The following RAPGEF4 variants were observed in gnomAD, a reference collection of about 807,000 sequenced individuals.
RAPGEF4 encodes RAP guanine-nucleotide-exchange factor (GEF) 4.
In RAPGEF4, 66 loss-of-function variants were observed where a neutral mutation model predicts 147.9. The observed-to-expected ratio is 0.45, with a 90% CI of 0.37 to 0.55. The LOEUF is 0.55. Among genes scored for constraint, RAPGEF4 ranks in the 20% least tolerant of loss-of-function variants. The pLI, the probability that RAPGEF4 is intolerant of heterozygous loss-of-function variation, is 0.00. For missense variants in RAPGEF4, 1,071 were observed against 1,257.3 expected, an observed-to-expected ratio of 0.85 and a Z score of 2.24; for synonymous variants, 419 against 442.7, an observed-to-expected ratio of 0.95 and a Z score of 0.67.
At chr2:172,910,030 G>A (rs1255449724) in intron 4 of RAPGEF4, among the ~76,000 whole-genome samples, 2 of 152,190 alleles carry the variant, frequency 1.3e-5, no homozygotes, top group South Asian at 4.1e-4. Context: ...GGTGCCATGC[G>A]TGCTCTGTGA....
At chr2:172,746,960 A>C (rs1217375783) in intron 1 of RAPGEF4, among the ~76,000 whole-genome samples, 1 of 152,162 alleles carries the variant, frequency 6.6e-6, no homozygotes, top group Non-Finnish European at 1.5e-5. Context: ...ACCCCCCCTT[A>C]ATTAAATGGA....
chr2:172,869,889 A>C lies in RAPGEF4; in HGVS notation c.445-47913A>C, dbSNP rs1019543132. Among the ~76,000 whole-genome samples, 10 of 152,310 alleles carry C rather than the reference A, an allele frequency of 6.6e-5. No homozygotes were observed. The East Asian group carries it at 1.9e-3, about 29-fold the overall frequency. The stretch of plus-strand genomic sequence containing the variant: ...AAGTGTCTTTTTATATGGGCTGCAG[A>C]TACTATTATTGACATCCTTCATGGA... On this transcript the variant is annotated intron_variant, in intron 4 of 30. Transcript: ENST00000397081.
chr2:172,854,542 A>T (rs1201943016), intron 4 of RAPGEF4, among the ~76,000 whole-genome samples: 1 of 152,022 alleles, frequency 6.6e-6, no homozygotes, highest in Non-Finnish European at 1.5e-5. Context: ...TCTGTTTTTA[A>T]TTGGAGTGTT....
At position 172,873,040 on chromosome 2, in the gene RAPGEF4, T is replaced by A. The variant is rs564666432; in HGVS notation, c.445-44762T>A. Reference sequence around the variant, plus strand: ...TTGATTGTTATAACATGCCACCAGCTTAGGAGAGGGAATCAGACTCCTTAA... The same window carrying A: ...TTGATTGTTATAACATGCCACCAGCATAGGAGAGGGAATCAGACTCCTTAA... On this transcript the variant is annotated intron_variant, in intron 4 of 30. Transcript: ENST00000397081. 6.2e-4 allele frequency among the ~76,000 whole-genome samples: 94 copies of A among 152,304 alleles called. 2 individuals carry two copies. The South Asian group carries it at 0.019, about 31-fold the overall frequency.
In RAPGEF4 at chr2:172,736,034, C is replaced by A; in HGVS notation, c.51C>A (p.Ala17=). The A allele has an allele frequency of 6.9e-7, 1 of 1,452,860 alleles. No individual in the cohort carries two copies. Among genetic ancestry groups the A allele is most frequent in the Non-Finnish European group, 9.1e-7 (1 of 1,104,476 alleles). 90.0% of individuals were successfully genotyped at this position (1,452,860 alleles called of 1,614,324 possible). Reference sequence around the variant, plus strand: ...CTTCCTCCTCTGCCGAGTGGATCGCCTGCCTGGATAAAAGGTAGCTCGCCG... The same window carrying A: ...CTTCCTCCTCTGCCGAGTGGATCGCATGCCTGGATAAAAGGTAGCTCGCCG... ...AHSSSSAEWI[A]CLDKRPLERS... Residue 17 remains alanine (A), a synonymous_variant, in exon 1 of 31, where the codon GCC becomes GCA. Transcript: ENST00000397081.
chr2:172,917,896 T>C (rs765109464), intron 5 of RAPGEF4, 22 bp downstream of exon 5: 3 of 1,601,900 alleles, frequency 1.9e-6, no homozygotes, highest in Admixed American at 1.7e-5. Flanking sequence ...ATGTGAACAT[T>C]TTGTATCTAA....
At chr2:172,974,177 A>G (rs899105998) in intron 10 of RAPGEF4, among the ~76,000 whole-genome samples, 6 of 152,198 alleles carry the variant, frequency 3.9e-5, no homozygotes, top group African/African-American at 1.4e-4. Context: ...TTTTATGGAC[A>G]AGGAGACAGA....
intron 3 of RAPGEF4, among the ~76,000 whole-genome samples, chr2:172,810,033 T>G (rs1435098451): frequency 1.3e-5 from 2 of 152,220 alleles, no homozygotes; most frequent in African/African-American, 2.4e-5. Flanking sequence ...ATTGGCTGAC[T>G]GAAATAAGAA....
intron 4 of RAPGEF4, among the ~76,000 whole-genome samples, chr2:172,888,281 G>GA (rs1697474860): frequency 6.6e-6 from 1 of 152,192 alleles, no homozygotes; most frequent in African/African-American, 2.4e-5. Flanking sequence ...CCCAGATGGG[G>GA]AAAAAATCCG....
At chr2:172,778,974 G>A (rs2149505587) in intron 1 of RAPGEF4, among the ~76,000 whole-genome samples, 1 of 152,260 alleles carries the variant, frequency 6.6e-6, no homozygotes, top group African/African-American at 2.4e-5. Flanking sequence ...AAGTATGGTA[G>A]AGAACATCAA....
At chr2:172,760,423 T>G (rs377415328) in intron 1 of RAPGEF4, among the ~76,000 whole-genome samples, 3 of 152,320 alleles carry the variant, frequency 2.0e-5, no homozygotes, top group African/African-American at 7.2e-5. Context: ...AACTGAAATT[T>G]AAAAGTGAAT....
chr2:172,954,905 A>G (rs755517686), intron 6 of RAPGEF4, among the ~76,000 whole-genome samples: 3 of 152,188 alleles, frequency 2.0e-5, no homozygotes, highest in Non-Finnish European at 4.4e-5. Flanking sequence ...TGGCTTTTTC[A>G]ACAAGACCAA....
At chr2:172,924,631 A>G (rs1163772487) in intron 6 of RAPGEF4, among the ~76,000 whole-genome samples, 6 of 152,224 alleles carry the variant, frequency 3.9e-5, no homozygotes, top group Non-Finnish European at 8.8e-5. Context: ...ATGAAATGAA[A>G]GACATTCGTG....
chr2:172,939,185 A>G (rs1285496368), intron 6 of RAPGEF4, among the ~76,000 whole-genome samples: 2 of 152,240 alleles, frequency 1.3e-5, no homozygotes, highest in Non-Finnish European at 2.9e-5. Flanking sequence ...TCTTAGGAGC[A>G]CAATTGCTAG....
At chr2:173,009,396 G>T (rs1035283460) in intron 17 of RAPGEF4, among the ~76,000 whole-genome samples, 1 of 152,170 alleles carries the variant, frequency 6.6e-6, no homozygotes, top group Non-Finnish European at 1.5e-5. Flanking sequence ...GCTAGAAAGT[G>T]CAGGAATTAA....
At chr2:172,970,105 AT>A (rs1480833249) in intron 10 of RAPGEF4, among the ~76,000 whole-genome samples, 1 of 151,442 alleles carries the variant, frequency 6.6e-6, no homozygotes, top group Non-Finnish European at 1.5e-5. Context: ...CTCCCGAGAG[AT>A]GGGAAAGTGA....
chr2:172,950,234 G>A (rs932163705), intron 6 of RAPGEF4, among the ~76,000 whole-genome samples: 1 of 152,152 alleles, frequency 6.6e-6, no homozygotes, highest in Non-Finnish European at 1.5e-5. Context: ...ATTCCTTGAT[G>A]AGGGCGGTAG....
At chr2:172,922,566 G>A (rs1684878678) in intron 6 of RAPGEF4, among the ~76,000 whole-genome samples, 1 of 152,174 alleles carries the variant, frequency 6.6e-6, no homozygotes, top group Non-Finnish European at 1.5e-5. Context: ...ATTGCTAAGT[G>A]TTTTCTTTTT....
At chr2:173,007,683 A>G (rs1694616426) in intron 17 of RAPGEF4, among the ~76,000 whole-genome samples, 1 of 152,228 alleles carries the variant, frequency 6.6e-6, no homozygotes, top group East Asian at 1.9e-4. Flanking sequence ...AAGATCATAC[A>G]GTTTTTATAT....
Sources: gnomAD v4.1 joint callset for allele counts (sites outside exome capture counted in the v4.1 genomes callset) on GRCh38, gnomAD v4.1.1 for gene constraint, MANE v1.5 for transcripts, NCBI Gene and HGNC (gene_info 2026-07-23, HGNC 2026-07-21) for gene names.